BMPR1B: variants seen among roughly 807,000 people sequenced by gnomAD.
The protein encoded by BMPR1B is bone morphogenetic protein receptor type-1B.
A neutral mutation model predicts 59.1 loss-of-function variants in BMPR1B; 12 were observed. The ratio of observed to expected loss-of-function variants is 0.20; its 90% CI spans 0.13 to 0.33. BMPR1B has a LOEUF of 0.33. Among genes scored for constraint, BMPR1B ranks in the 10% least tolerant of loss-of-function variants. BMPR1B has a pLI of 1.00. For synonymous variants in BMPR1B, 237 were observed against 207.3 expected (o/e 1.14, Z -1.23); for missense variants, 550 against 610.9 (o/e 0.90, Z 1.05).
chr4:94,890,796 G>T (rs760931331), intron 2 of BMPR1B, among the ~76,000 whole-genome samples: 1 of 151,884 alleles, frequency 6.6e-6, no homozygotes, highest in Non-Finnish European at 1.5e-5. Context: ...ATCCCATCAT[G>T]AGGGCCCCAT....
intron 4 of BMPR1B, among the ~76,000 whole-genome samples, chr4:95,110,084 GA>G (rs772281605): frequency 2.6e-5 from 4 of 151,898 alleles, no homozygotes; most frequent in Non-Finnish European, 5.9e-5. Flanking sequence ...GGAGTTAATA[GA>G]AAGTGATAGT....
chr4:94,809,535 A>C (rs945991641), intron 1 of BMPR1B, among the ~76,000 whole-genome samples: 88 of 152,342 alleles, frequency 5.8e-4, no homozygotes, highest in Middle Eastern at 6.8e-3. Context: ...ATCAGAGAGT[A>C]CACACAACAA....
intron 2 of BMPR1B, among the ~76,000 whole-genome samples, chr4:94,925,869 A>G (rs905979684): frequency 6.6e-6 from 1 of 152,156 alleles, no homozygotes; most frequent in African/African-American, 2.4e-5. Context: ...ATAGGCAGCA[A>G]TCAGGGCTTT....
intron 3 of BMPR1B, among the ~76,000 whole-genome samples, chr4:95,013,612 C>T (rs570089611): frequency 5.6e-4 from 85 of 152,070 alleles, no homozygotes; most frequent in African/African-American, 1.9e-3. Context: ...AATTAGAAAA[C>T]GTAAACTTTC....
chr4:94,983,294 C>A (rs1721209886), intron 2 of BMPR1B, among the ~76,000 whole-genome samples: 1 of 151,810 alleles, frequency 6.6e-6, no homozygotes, highest in Non-Finnish European at 1.5e-5. Flanking sequence ...GTTTGTTTTC[C>A]CACTAGTATG....
At position 95,104,435 on chromosome 4, in the gene BMPR1B, G is replaced by A. The variant is rs150974461; in HGVS notation, c.11G>A (p.Arg4Gln). The change falls in exon 4 of 13, where the codon CGA (arginine) becomes CAA (glutamine). Residue 4 changes from arginine (R) to glutamine (Q), a missense_variant. By Grantham distance (43) the Arg-to-Gln change is conservative. Around this residue, in one of 6 missense-constraint regions of BMPR1B, gnomAD observed 43 missense variants for 35.4 expected, o/e 1.22. Transcript: ENST00000515059. MLL[R>Q]SAGKLNVGTK... is the part of the protein sequence containing the mutation. Reference sequence around the variant, plus strand: ...AACTTCCTTGATAACATGCTTTTGCGAAGTGCAGGAAAATTAAATGTGGGC... The same window carrying A: ...AACTTCCTTGATAACATGCTTTTGCAAAGTGCAGGAAAATTAAATGTGGGC... The A allele has an allele frequency of 3.9e-4, 630 of 1,612,962 alleles. 1 individual carries two copies. The highest frequency in any genetic ancestry group is 2.0e-3 in the Middle Eastern group (12 of 6,078).
chr4:95,056,698 C>T (rs1428205573), intron 3 of BMPR1B, among the ~76,000 whole-genome samples: 1 of 152,160 alleles, frequency 6.6e-6, no homozygotes, highest in Non-Finnish European at 1.5e-5. Flanking sequence ...CTTTCTGTGT[C>T]CTGCAAAGGT....
intron 1 of BMPR1B, among the ~76,000 whole-genome samples, chr4:94,776,734 T>TA (rs1277212706): frequency 6.6e-6 from 1 of 152,184 alleles, no homozygotes; most frequent in African/African-American, 2.4e-5. Flanking sequence ...TCCATCCAGT[T>TA]ACTACATTGC....
intron 1 of BMPR1B, among the ~76,000 whole-genome samples, chr4:94,764,186 A>G (rs998228088): frequency 6.6e-6 from 1 of 152,246 alleles, no homozygotes; most frequent in East Asian, 1.9e-4. Context: ...CAGCCCTTCT[A>G]CCTCATGCTG....
chr4:94,847,442 C>T (rs1429907476), intron 1 of BMPR1B, among the ~76,000 whole-genome samples: 2 of 152,012 alleles, frequency 1.3e-5, no homozygotes, highest in Non-Finnish European at 2.9e-5. Context: ...AGGTATTTAC[C>T]CAAAAGAAAG....
chr4:94,934,192 G>A (rs544537870), intron 2 of BMPR1B, among the ~76,000 whole-genome samples: 9 of 152,152 alleles, frequency 5.9e-5, no homozygotes, highest in Admixed American at 1.3e-4. Context: ...AAATACTTCA[G>A]AGATTCATCA....
intron 2 of BMPR1B, among the ~76,000 whole-genome samples, chr4:94,991,933 T>A (rs1235951916): frequency 1.3e-5 from 2 of 152,176 alleles, no homozygotes. Flanking sequence ...GCAGTCTTCA[T>A]CTCTCCAGGA....
Position 95,016,314 on chromosome 4 carries a change from A to G in BMPR1B, c.-18+20180A>G, listed in dbSNP as rs566809262. 2.0e-5 allele frequency among the ~76,000 whole-genome samples: 3 copies of G among 152,302 alleles called. No homozygotes were observed. In the South Asian group the frequency reaches 6.2e-4, roughly 32 times the overall value. On this transcript the variant is annotated intron_variant, in intron 3 of 12. Transcript: ENST00000515059. ...TGTTACCATTTGAAAGTTCTGCGTAACTCAGTGGGCTGATATTTTTCAAAT... is the reference window on the plus strand; with the variant it reads ...TGTTACCATTTGAAAGTTCTGCGTAGCTCAGTGGGCTGATATTTTTCAAAT...
chr4:95,102,524 A>T (rs1039075301), intron 3 of BMPR1B, among the ~76,000 whole-genome samples: 1 of 152,116 alleles, frequency 6.6e-6, no homozygotes, highest in Admixed American at 6.6e-5. Context: ...TAAATACTCT[A>T]TTTTTATTAC....
Position 94,770,281 on chromosome 4 carries a change from A to G in BMPR1B, c.-183+12213A>G, listed in dbSNP as rs945926694. Among the ~76,000 whole-genome samples the G allele has an allele frequency of 2.7e-5, 4 of 150,478 alleles. No homozygotes were observed. In the East Asian group the frequency reaches 7.7e-4, roughly 29 times the overall value. ...CTAGTCTATGTTAGACCAGAACTGC[A>G]TGTAGTATTTCAAGTAAAGATGAAC... On this transcript the variant is annotated intron_variant, in intron 1 of 12. Transcript: ENST00000515059.
chr4:94,969,350 TA>T (rs981298043), intron 2 of BMPR1B, among the ~76,000 whole-genome samples: 11 of 152,264 alleles, frequency 7.2e-5, no homozygotes, highest in African/African-American at 2.4e-4. Flanking sequence ...CTGAGTTTTC[TA>T]AATGGTCCGC....
intron 1 of BMPR1B, among the ~76,000 whole-genome samples, chr4:94,862,290 C>T (rs72887846): frequency 6.6e-6 from 1 of 151,648 alleles, no homozygotes; most frequent in African/African-American, 2.4e-5. Context: ...GCTGGCACTA[C>T]AGGCATGCGC....
intron 1 of BMPR1B, among the ~76,000 whole-genome samples, chr4:94,866,469 C>CT (rs1423954166): frequency 2.6e-5 from 4 of 152,210 alleles, no homozygotes; most frequent in South Asian, 2.1e-4. Flanking sequence ...TTTAGCATCT[C>CT]TTTTCCCGTC....
chr4:95,099,758 C>G (rs1365741558), intron 3 of BMPR1B, among the ~76,000 whole-genome samples: 1 of 152,172 alleles, frequency 6.6e-6, no homozygotes, highest in Non-Finnish European at 1.5e-5. Context: ...GCATTTTCAT[C>G]TGTATCTCTA....
Sources: gnomAD v4.1 joint callset for allele counts (sites outside exome capture counted in the v4.1 genomes callset) on GRCh38, gnomAD v4.1.1 for gene constraint, gnomAD v4.1.1 regional missense constraint, MANE v1.5 for transcripts, NCBI Gene and HGNC (gene_info 2026-07-23, HGNC 2026-07-21) for gene names.